The following ASTN1 variants were observed in gnomAD, a reference collection of about 807,000 sequenced individuals.
The protein encoded by ASTN1 is astrotactin 1, also known as astrotactin-1.
ASTN1 carries 41 observed loss-of-function variants against 140.7 expected under a neutral mutation model. That is an observed-to-expected ratio of 0.29 (90% CI 0.23 to 0.38). The LOEUF (loss-of-function observed/expected upper bound fraction) is 0.38. Among genes scored for constraint, ASTN1 ranks in the 10% least tolerant of loss-of-function variants. The probability of loss-of-function intolerance (pLI) is 1.00; values close to 1 mark genes in which losing one functional copy is unlikely to be tolerated. For missense variants in ASTN1, 1,479 were observed against 1,678.8 expected (o/e 0.88, Z 2.08); for synonymous variants, 640 against 652.2 (o/e 0.98, Z 0.29).
intron 5 of ASTN1, 33 bp from the exon 6 acceptor site, chr1:177,024,765 G>A (rs1395013497): frequency 1.3e-6 from 2 of 1,598,532 alleles, no homozygotes; most frequent in South Asian, 2.2e-5. Context: ...ATACATGGTG[G>A]TAAAAAGCTT....
At chr1:176,912,673 C>A (rs1670295829) in intron 16 of ASTN1, among the ~76,000 whole-genome samples, 1 of 152,124 alleles carries the variant, frequency 6.6e-6, no homozygotes, top group Non-Finnish European at 1.5e-5. Context: ...AAAGGCCTTT[C>A]TTTTAACCAC....
At chr1:177,064,603 C>G (rs1483180716) in intron 1 of ASTN1, among the ~76,000 whole-genome samples, 2 of 152,170 alleles carry the variant, frequency 1.3e-5, no homozygotes, top group Non-Finnish European at 2.9e-5. Context: ...CCAGGCCAAC[C>G]CTCAGAACCT....
intron 1 of ASTN1, among the ~76,000 whole-genome samples, chr1:177,134,272 C>T (rs966986203): frequency 6.6e-6 from 1 of 152,170 alleles, no homozygotes; most frequent in Non-Finnish European, 1.5e-5. Flanking sequence ...AATGCAGGCT[C>T]CCGAAAGCAG....
At chr1:177,027,566 A>C (rs1033389466) in intron 5 of ASTN1, among the ~76,000 whole-genome samples, 4 of 150,408 alleles carry the variant, frequency 2.7e-5, no homozygotes, top group Non-Finnish European at 1.5e-5. Flanking sequence ...TATATTTATA[A>C]CTTGATGACA....
chr1:177,047,972 T>G (rs562632671), intron 2 of ASTN1, among the ~76,000 whole-genome samples: 1 of 152,180 alleles, frequency 6.6e-6, no homozygotes. Flanking sequence ...AAGGCAGCAT[T>G]TAACACAGAT....
chr1:177,003,719 G>A (rs2101918338), intron 8 of ASTN1, among the ~76,000 whole-genome samples: 1 of 152,072 alleles, frequency 6.6e-6, no homozygotes, highest in East Asian at 1.9e-4. Flanking sequence ...GGCTGAGGCA[G>A]GAGAATCGCT....
At chr1:176,988,390 G>A (rs1674009097) in intron 8 of ASTN1, among the ~76,000 whole-genome samples, 2 of 151,180 alleles carry the variant, frequency 1.3e-5, no homozygotes, top group South Asian at 4.2e-4. Context: ...TTTATTATGA[G>A]AAAAGCTGAA....
intron 2 of ASTN1, among the ~76,000 whole-genome samples, chr1:177,033,716 G>A (rs548360105): frequency 3.9e-5 from 6 of 152,274 alleles, no homozygotes; most frequent in African/African-American, 1.2e-4. Flanking sequence ...CTGGAGTCAG[G>A]CTGGTGGAGG....
intron 1 of ASTN1, among the ~76,000 whole-genome samples, chr1:177,114,024 C>T (rs777585798): frequency 6.6e-6 from 1 of 152,172 alleles, no homozygotes; most frequent in African/African-American, 2.4e-5. Flanking sequence ...GAAGTCAAGA[C>T]ACTGCTACCT....
At position 177,008,183 on chromosome 1, in the gene ASTN1, T is replaced by C. The variant is rs142492196; in HGVS notation, c.1523+6608A>G. Among the ~76,000 whole-genome samples, 130 of 152,130 alleles carry C rather than the reference T, an allele frequency of 8.5e-4. 1 individual carries two copies. The highest frequency in any genetic ancestry group is 6.8e-3 in the Middle Eastern group (2 of 294). On this transcript the variant is annotated intron_variant, in intron 8 of 22. Coordinates refer to ENST00000361833, the MANE Select transcript of ASTN1 (RefSeq NM_004319.3). The stretch of plus-strand genomic sequence containing the variant: ...TCCTGCCTGCTCACCCAAGGAAGGG[T>C]TTTTTTGTTTTTTTCCTTTTAAGGG...
Position 176,946,054 on chromosome 1 carries a change from T to C in ASTN1, c.2121A>G (p.Pro707=). ...RSCQLITETC[P]EGSDCGESRE... is the part of the protein sequence containing the mutation. ...TGCTTTCCCCACAGTCACTTCCCTC[T>C]GGACAGGTCTCCGTGATGAGTTGGC... The change falls in exon 13 of 23, where the codon CCA becomes CCG. Residue 707 remains proline (P), a synonymous_variant. Coordinates refer to ENST00000361833, the MANE Select transcript of ASTN1 (RefSeq NM_004319.3). 1 of 1,614,100 alleles carries C rather than the reference T, an allele frequency of 6.2e-7. No individual in the cohort carries two copies. The highest frequency in any genetic ancestry group is 8.5e-7 in the Non-Finnish European group (1 of 1,179,958).
chr1:177,042,657 AATAAGT>A (rs1367493086), intron 2 of ASTN1, among the ~76,000 whole-genome samples: 13 of 152,364 alleles, frequency 8.5e-5, no homozygotes, highest in East Asian at 7.7e-4. Flanking sequence ...TAGTCCTACC[AATAAGT>A]ATAAGTAGTA....
At chr1:177,057,699 T>A (rs1018207384) in intron 2 of ASTN1, among the ~76,000 whole-genome samples, 3 of 151,436 alleles carry the variant, frequency 2.0e-5, no homozygotes, top group African/African-American at 4.9e-5. Context: ...GAAAACTGTA[T>A]CAATATTGAT....
chr1:177,014,806 CA>C lies in ASTN1; in HGVS notation c.1507del (p.Trp503GlyfsTer49). On this transcript the variant is annotated frameshift_variant, in exon 8 of 23. Transcript: ENST00000361833. LOFTEE classifies it high-confidence loss of function. Reference sequence around the variant, plus strand: ...CCTCACTTACCCCTGGTTTGTCCCCCATTCGTTCCGAATGCAAAGGTGCTTA... The same window carrying C: ...CCTCACTTACCCCTGGTTTGTCCCCCTTCGTTCCGAATGCAAAGGTGCTTA... ...VHKHLCIRNE[W>X]GTNQGPWPYT... 6.2e-7 allele frequency: 1 copy of C among 1,613,686 alleles called. No homozygotes were observed. The highest frequency in any genetic ancestry group is 2.2e-5 in the East Asian group (1 of 44,864).
chr1:177,114,916 A>T (rs1053329239), intron 1 of ASTN1, among the ~76,000 whole-genome samples: 1 of 152,140 alleles, frequency 6.6e-6, no homozygotes, highest in Non-Finnish European at 1.5e-5. Context: ...TCCAGTGCAT[A>T]TGGTTCAAAA....
chr1:176,866,917 T>A (rs1668143587), intron 22 of ASTN1, among the ~76,000 whole-genome samples: 1 of 152,150 alleles, frequency 6.6e-6, no homozygotes, highest in South Asian at 2.1e-4. Flanking sequence ...ACACAGAGGA[T>A]TTTTCCTTTC....
At chr1:176,895,032 G>T (rs1439552661) in intron 16 of ASTN1, among the ~76,000 whole-genome samples, 2 of 152,174 alleles carry the variant, frequency 1.3e-5, no homozygotes, top group Non-Finnish European at 2.9e-5. Flanking sequence ...GCCCTTTTCA[G>T]TGAGAATCTA....
At chr1:177,044,544 A>T (rs1249722249) in intron 2 of ASTN1, among the ~76,000 whole-genome samples, 1 of 152,188 alleles carries the variant, frequency 6.6e-6, no homozygotes, top group Non-Finnish European at 1.5e-5. Flanking sequence ...TAGCAAAGGG[A>T]AGTTGGAAAT....
At position 176,885,041 on chromosome 1, in the gene ASTN1, CT is replaced by C. The variant is rs759154245; in HGVS notation, c.3075-552del. Among the ~76,000 whole-genome samples the C allele has an allele frequency of 9.2e-5, 14 of 152,324 alleles. No homozygotes were observed. In the East Asian group the frequency reaches 1.4e-3, roughly 15 times the overall value. ...TAACCTATCCTTTTCTCCAGGCCAT[CT>C]GCTAGCTGGACCTTGGAACAGGTTC... On this transcript the variant is annotated intron_variant, in intron 18 of 22. Coordinates refer to ENST00000361833, the MANE Select transcript of ASTN1 (RefSeq NM_004319.3).
Sources: allele counts gnomAD v4.1 joint callset (sites outside exome capture counted in the v4.1 genomes callset), GRCh38; gene constraint gnomAD v4.1.1; transcripts MANE v1.5; gene names NCBI Gene and HGNC (gene_info 2026-07-23, HGNC 2026-07-21).